NFIC: variants seen among roughly 807,000 people sequenced by gnomAD.
NFIC encodes the protein nuclear factor I C.
NFIC carries 12 observed loss-of-function variants against 54.4 expected under a neutral mutation model. That is an observed-to-expected ratio of 0.22 (90% CI 0.14 to 0.36). NFIC has a LOEUF of 0.36. NFIC is among the 10% of genes least tolerant of loss of function. The pLI, the probability that NFIC is intolerant of heterozygous loss-of-function variation, is 1.00. For missense variants in NFIC, 575 were observed against 718.2 expected, an observed-to-expected ratio of 0.80 and a Z score of 2.28; for synonymous variants, 322 against 319.2, an observed-to-expected ratio of 1.01 and a Z score of -0.09.
At chr19:3,359,724 T>G (rs1401838296) in intron 1 of NFIC, 3 of 1,405,912 alleles carry the variant, frequency 2.1e-6, no homozygotes, top group South Asian at 2.9e-5. Context: ...GCCCGGGGAC[T>G]TTTTGGGGTG....
chr19:3,463,916 C>T lies in NFIC; in HGVS notation c.*1147C>T. 6 of 978,834 alleles carry T rather than the reference C, an allele frequency of 6.1e-6. No homozygotes were observed. The highest frequency in any genetic ancestry group is 6.1e-6 in the Non-Finnish European group (5 of 824,206). The allele number at this position is 978,834 out of a possible 1,614,324, so 60.6% of individuals were successfully genotyped here. The stretch of plus-strand genomic sequence containing the variant: ...CCGCGGGCCTCCTCCCCCTCCCCTC[C>T]AGCCTCTCCACCAGCCCCTCCAGTC... On this transcript the variant is annotated 3_prime_UTR_variant, in exon 11 of 11. Coordinates refer to ENST00000443272, the MANE Select transcript of NFIC (RefSeq NM_001245002.2).
chr19:3,421,890 G>A (rs1215168599), intron 2 of NFIC, among the ~76,000 whole-genome samples: 1 of 152,064 alleles, frequency 6.6e-6, no homozygotes, highest in African/African-American at 2.4e-5. Context: ...TGATCCTCCT[G>A]AGTAGCTGGG....
At position 3,452,490 on chromosome 19, in the gene NFIC, C is replaced by T. The variant is rs1253555880; in HGVS notation, c.1093C>T (p.Arg365Trp). 4.3e-6 allele frequency: 7 copies of T among 1,611,852 alleles called. No individual in the cohort carries two copies. The highest frequency in any genetic ancestry group is 5.9e-6 in the Non-Finnish European group (7 of 1,179,992). The change falls in exon 8 of 11, where the codon CGG (arginine) becomes TGG (tryptophan). Residue 365 changes from arginine (R) to tryptophan (W), a missense_variant. This residue lies in a region of NFIC where 447 missense variants were observed against 526.9 expected (regional missense o/e 0.85). Transcript: ENST00000443272. This position sits in a 1 kb window ranked among gnomAD's most constrained non-coding sequence, Gnocchi z 5.3. ...PVIAVHSGIARSPHPSSALHF... is the reference protein window; with the variant it reads ...PVIAVHSGIAWSPHPSSALHF... ...TCCCACTGTCTCCGCAGGGATCGCC[C>T]GGAGCCCACACCCGTCCTCCGCTCT...
intron 3 of NFIC, among the ~76,000 whole-genome samples, chr19:3,428,683 TG>T (rs1164034838): frequency 6.6e-6 from 1 of 151,448 alleles, no homozygotes; most frequent in Admixed American, 6.6e-5. Context: ...TGGAGGGAGG[TG>T]GGGGCAGCGG....
At chr19:3,397,504 T>G (rs1398503772) in intron 2 of NFIC, among the ~76,000 whole-genome samples, 1 of 152,156 alleles carries the variant, frequency 6.6e-6, no homozygotes, top group African/African-American at 2.4e-5. Flanking sequence ...AGGTGTGAGC[T>G]GCATCTGAGG....
Position 3,464,476 on chromosome 19 carries a change from G to A in NFIC, c.*1707G>A, listed in dbSNP as rs1599739878. On this transcript the variant is annotated 3_prime_UTR_variant, in exon 11 of 11. Transcript: ENST00000443272. ...ATCTTTAGGGGAGGCCTGGGAGGGG[G>A]TGTTAGGTGTTTTAGGGCCACCGAG... 1.4e-5 allele frequency: 14 copies of A among 976,162 alleles called. 1 individual carries two copies. In the South Asian group the frequency reaches 3.8e-4, roughly 27 times the overall value. 60.5% of individuals were successfully genotyped at this position (976,162 alleles called of 1,614,324 possible).
At position 3,454,242 on chromosome 19, in the gene NFIC, A is replaced by G. The variant is rs572401981; in HGVS notation, c.1423+326A>G. ...GTCAGGCAGCTGACAGTGGACACGGATCTCACAGTGGCGGCCCGAGGGCCA... is the reference window on the plus strand; with the variant it reads ...GTCAGGCAGCTGACAGTGGACACGGGTCTCACAGTGGCGGCCCGAGGGCCA... On this transcript the variant is annotated intron_variant, in intron 9 of 10. Transcript: ENST00000443272. The G allele has an allele frequency of 2.1e-5, 25 of 1,172,814 alleles. 1 individual carries two copies. The African/African-American group carries it at 3.0e-4, about 14-fold the overall frequency. 72.7% of individuals were successfully genotyped at this position (1,172,814 alleles called of 1,614,324 possible).
chr19:3,382,266 G>A (rs1408714702), intron 2 of NFIC, 23 bp downstream of exon 2: 3 of 1,589,948 alleles, frequency 1.9e-6, no homozygotes, highest in East Asian at 2.2e-5. Context: ...GGCCTGAGCG[G>A]AGCGGCCAGC....
At chr19:3,446,244 G>A (rs1427201103) in intron 6 of NFIC, among the ~76,000 whole-genome samples, 1 of 152,122 alleles carries the variant, frequency 6.6e-6, no homozygotes, top group African/African-American at 2.4e-5. Flanking sequence ...GCAGCCTCCT[G>A]GGACCACAGC....
intron 2 of NFIC, among the ~76,000 whole-genome samples, chr19:3,422,469 G>A (rs901406540): frequency 6.0e-5 from 9 of 151,216 alleles, no homozygotes; most frequent in African/African-American, 2.2e-4. Flanking sequence ...TGTAATCCCA[G>A]CACTTTGGGA....
intron 2 of NFIC, among the ~76,000 whole-genome samples, chr19:3,418,575 G>C (rs1382085763): frequency 6.6e-6 from 1 of 152,154 alleles, no homozygotes; most frequent in African/African-American, 2.4e-5. Context: ...CGGCTGGCCG[G>C]GCGTGGTGGC....
At chr19:3,428,450 A>G (rs1031036052) in intron 3 of NFIC, among the ~76,000 whole-genome samples, 1 of 137,526 alleles carries the variant, frequency 7.3e-6, no homozygotes, top group African/African-American at 2.8e-5. Flanking sequence ...AGACTGTCTC[A>G]AAAAAAAAAA....
intron 2 of NFIC, among the ~76,000 whole-genome samples, chr19:3,415,586 A>C (rs149265042): frequency 7.5e-4 from 114 of 152,080 alleles, no homozygotes; most frequent in Middle Eastern, 3.4e-3. Context: ...GCAGAGGAGG[A>C]TGGGAACCCA....
intron 2 of NFIC, among the ~76,000 whole-genome samples, chr19:3,406,227 G>A (rs544488547): frequency 1.7e-4 from 26 of 152,178 alleles, no homozygotes; most frequent in African/African-American, 6.0e-4. Flanking sequence ...CAAGTAGCTG[G>A]GATTACAGGC....
At chr19:3,414,489 G>A (rs1189940386) in intron 2 of NFIC, among the ~76,000 whole-genome samples, 1 of 152,008 alleles carries the variant, frequency 6.6e-6, no homozygotes, top group Admixed American at 6.6e-5. Flanking sequence ...CAGCTACTCT[G>A]GAGGCTGAGG....
chr19:3,437,640 A>G (rs2082224752), intron 6 of NFIC, among the ~76,000 whole-genome samples: 1 of 147,298 alleles, frequency 6.8e-6, no homozygotes, highest in Admixed American at 7.0e-5. Flanking sequence ...TGTCTCAAAA[A>G]AAAAAAAAGA....
chr19:3,367,731 G>A (rs899419384), intron 1 of NFIC, among the ~76,000 whole-genome samples: 2 of 152,226 alleles, frequency 1.3e-5, no homozygotes, highest in African/African-American at 4.8e-5. Context: ...AGTGAGGTGC[G>A]GCTAAGGCCG....
At chr19:3,460,060 C>T (rs1470360039) in intron 10 of NFIC, among the ~76,000 whole-genome samples, 3 of 152,174 alleles carry the variant, frequency 2.0e-5, no homozygotes, top group Admixed American at 1.3e-4. Flanking sequence ...AGACTGAGGC[C>T]GGAGCTGTCC....
chr19:3,374,006 C>T (rs1329203187), intron 1 of NFIC, among the ~76,000 whole-genome samples: 2 of 152,152 alleles, frequency 1.3e-5, no homozygotes, highest in Non-Finnish European at 2.9e-5. Flanking sequence ...ACAAGTCATC[C>T]GACCCGGAGA....
Sources: gnomAD v4.1 joint callset for allele counts (sites outside exome capture counted in the v4.1 genomes callset) on GRCh38, gnomAD v4.1.1 for gene constraint, gnomAD v4.1.1 regional missense constraint, Gnocchi (gnomAD v3.1) non-coding constraint, MANE v1.5 for transcripts, NCBI Gene and HGNC (gene_info 2026-07-23, HGNC 2026-07-21) for gene names.